TCF4: variants seen among roughly 807,000 people sequenced by gnomAD.
TCF4 encodes the protein SL3-3 enhancer factor 2.
In TCF4, 3 loss-of-function variants were observed where a neutral mutation model predicts 82.1. The observed-to-expected ratio is 0.04, with a 90% CI of 0.02 to 0.09. TCF4 has a LOEUF of 0.09. Among genes scored for constraint, TCF4 ranks in the 10% least tolerant of loss-of-function variants. TCF4 has a pLI of 1.00. For missense variants in TCF4, 518 were observed against 852.7 expected (o/e 0.61, Z 4.89); for synonymous variants, 276 against 309.6 (o/e 0.89, Z 1.14).
intron 8 of TCF4, among the ~76,000 whole-genome samples, chr18:55,286,852 G>A (rs1414429439): frequency 1.3e-5 from 2 of 152,206 alleles, no homozygotes; most frequent in Non-Finnish European, 2.9e-5. Context: ...AATAGGAAAT[G>A]TGCTTAGAAA....
At chr18:55,243,020 C>A (rs2051833856) in intron 15 of TCF4, among the ~76,000 whole-genome samples, 2 of 152,224 alleles carry the variant, frequency 1.3e-5, no homozygotes, top group Non-Finnish European at 2.9e-5. Flanking sequence ...GAAGTCATAC[C>A]CGTTTAGGAA....
At chr18:55,409,179 C>T (rs1262532198) in intron 5 of TCF4, among the ~76,000 whole-genome samples, 1 of 152,126 alleles carries the variant, frequency 6.6e-6, no homozygotes, top group East Asian at 1.9e-4. Context: ...AATTATAATA[C>T]AGGACAACCC....
At chr18:55,622,640 T>G (rs1244629537) in intron 2 of TCF4, among the ~76,000 whole-genome samples, 2 of 152,074 alleles carry the variant, frequency 1.3e-5, no homozygotes, top group African/African-American at 4.8e-5. Context: ...TGAATGAAAT[T>G]GCAATTTAGA....
chr18:55,375,257 C>A (rs1443039039), intron 6 of TCF4, among the ~76,000 whole-genome samples: 1 of 151,658 alleles, frequency 6.6e-6, no homozygotes, highest in Admixed American at 6.6e-5. Context: ...ACAAAATAGA[C>A]TTTTACTTCA....
chr18:55,569,281 T>C (rs961978313), intron 3 of TCF4, among the ~76,000 whole-genome samples: 2 of 149,570 alleles, frequency 1.3e-5, no homozygotes, highest in African/African-American at 4.9e-5. Context: ...GAGTCACACA[T>C]GATGTGACAG....
chr18:55,499,956 GC>G (rs2096679364), intron 3 of TCF4, among the ~76,000 whole-genome samples: 1 of 152,254 alleles, frequency 6.6e-6, no homozygotes, highest in African/African-American at 2.4e-5. Flanking sequence ...GCTGAGGCAG[GC>G]GGATCACACA....
chr18:55,277,774 T>C (rs2061743840), intron 9 of TCF4, among the ~76,000 whole-genome samples: 1 of 152,132 alleles, frequency 6.6e-6, no homozygotes, highest in Non-Finnish European at 1.5e-5. Context: ...AGAAAAAATA[T>C]ATCCTTCCGT....
At chr18:55,231,216 C>T (rs191961130) in intron 17 of TCF4, 5 of 152,150 alleles carry the variant, frequency 3.3e-5, no homozygotes, top group African/African-American at 4.8e-5. Context: ...CAGGCCTGTC[C>T]GGAAGCTGAG....
intron 3 of TCF4, among the ~76,000 whole-genome samples, chr18:55,541,138 A>G (rs2097161857): frequency 6.6e-6 from 1 of 152,010 alleles, no homozygotes; most frequent in Admixed American, 6.6e-5. Flanking sequence ...AAAGTGATAC[A>G]TTCCTGTTAA....
chr18:55,433,815 T>A (rs541039387), intron 5 of TCF4, among the ~76,000 whole-genome samples: 1 of 152,104 alleles, frequency 6.6e-6, no homozygotes, highest in African/African-American at 2.4e-5. Flanking sequence ...GCCTCCTTGG[T>A]TTTATGAGCT....
intron 5 of TCF4, among the ~76,000 whole-genome samples, chr18:55,411,023 G>A (rs1217400681): frequency 6.6e-6 from 1 of 152,150 alleles, no homozygotes; most frequent in Non-Finnish European, 1.5e-5. Context: ...TGAGTTTTAT[G>A]CTTGATTTTC....
intron 2 of TCF4, among the ~76,000 whole-genome samples, chr18:55,621,129 A>G (rs553880558): frequency 1.6e-3 from 249 of 151,904 alleles, no homozygotes; most frequent in African/African-American, 5.6e-3. Flanking sequence ...CCCAGACTCT[A>G]TCTTACATTT....
chr18:55,384,590 G>T (rs1412834970), intron 6 of TCF4, among the ~76,000 whole-genome samples: 5 of 152,184 alleles, frequency 3.3e-5, no homozygotes, highest in African/African-American at 1.2e-4. Flanking sequence ...TTCAGAGCTG[G>T]TTCACATTGA....
intron 15 of TCF4, among the ~76,000 whole-genome samples, chr18:55,238,225 A>G (rs775344698): frequency 7.2e-5 from 11 of 152,358 alleles, no homozygotes; most frequent in South Asian, 2.1e-4. Context: ...ACAATAGTCT[A>G]AAGTTAAAAG....
chr18:55,501,324 A>AG (rs2096698193), intron 3 of TCF4, among the ~76,000 whole-genome samples: 1 of 152,136 alleles, frequency 6.6e-6, no homozygotes, highest in South Asian at 2.1e-4. Flanking sequence ...TGCATTCGGA[A>AG]GGGAAAAAAA....
At chr18:55,281,973 A>C (rs1352013175) in intron 8 of TCF4, among the ~76,000 whole-genome samples, 1 of 152,000 alleles carries the variant, frequency 6.6e-6, no homozygotes, top group Non-Finnish European at 1.5e-5. Context: ...CCAATTGAAG[A>C]CTTTTTAGAT....
intron 5 of TCF4, among the ~76,000 whole-genome samples, chr18:55,423,325 C>T (rs1003092513): frequency 1.1e-4 from 16 of 151,790 alleles, no homozygotes; most frequent in African/African-American, 3.9e-4. Flanking sequence ...ATCATTTCTG[C>T]GATATTTTGG....
chr18:55,621,858 T>C (rs1251246361), intron 2 of TCF4, among the ~76,000 whole-genome samples: 4 of 104,420 alleles, frequency 3.8e-5, no homozygotes, highest in Admixed American at 1.5e-4. Flanking sequence ...GTATGTATTA[T>C]ATTATATATA....
At position 55,485,495 on chromosome 18, in the gene TCF4, A is replaced by G. The variant is rs796756936; in HGVS notation, c.146-21358T>C. Among the ~76,000 whole-genome samples the G allele has an allele frequency of 7.9e-5, 12 of 152,272 alleles. No individual in the cohort carries two copies. In the South Asian group the frequency reaches 2.3e-3, roughly 29 times the overall value. ...CAGAAGCATCATTTTCAGGAAATGT[A>G]TAAGTTACATGCTGCATAATTCCCC... On this transcript the variant is annotated intron_variant, in intron 3 of 19. Transcript: ENST00000354452.
Sources: gnomAD v4.1 joint callset for allele counts (sites outside exome capture counted in the v4.1 genomes callset) on GRCh38, gnomAD v4.1.1 for gene constraint, MANE v1.5 for transcripts, NCBI Gene and HGNC (gene_info 2026-07-23, HGNC 2026-07-21) for gene names.